LNPEP: variants seen among roughly 807,000 people sequenced by gnomAD.
LNPEP encodes the protein leucyl and cystinyl aminopeptidase.
A neutral mutation model predicts 120.6 loss-of-function variants in LNPEP; 64 were observed. The ratio of observed to expected loss-of-function variants is 0.53; its 90% CI spans 0.43 to 0.65. The LOEUF (loss-of-function observed/expected upper bound fraction) is 0.65. Ranked by LOEUF, LNPEP falls within the 30% of genes least tolerant of loss-of-function variation. LNPEP has a pLI of 0.00. For synonymous variants in LNPEP, 435 were observed against 425.4 expected, an observed-to-expected ratio of 1.02 and a Z score of -0.28; for missense variants, 1,057 against 1,200.0, an observed-to-expected ratio of 0.88 and a Z score of 1.76.
At chr5:97,021,668 T>C (rs1023043189) in intron 13 of LNPEP, among the ~76,000 whole-genome samples, 23 of 152,170 alleles carry the variant, frequency 1.5e-4, no homozygotes, top group African/African-American at 5.5e-4. Context: ...TAGCTGAGTA[T>C]ATGCAGCATA....
In LNPEP at chr5:97,028,781, T is replaced by C; in HGVS notation, c.*248T>C. The C allele has an allele frequency of 3.0e-6, 1 of 334,892 alleles. No homozygotes were observed. The highest frequency in any genetic ancestry group is 5.5e-6 in the Non-Finnish European group (1 of 180,646). The allele number at this position is 334,892 out of a possible 1,614,324, so 20.7% of individuals were successfully genotyped here. A position where few individuals can be genotyped will look rare whatever the true frequency, so the allele number is the denominator to read the frequency against. ...GCCAACCATCTACAAAAACAATGAG[T>C]AATTTTTCTACTTTGAAGATACACA... On this transcript the variant is annotated 3_prime_UTR_variant, in exon 18 of 18. Transcript: ENST00000231368.
At chr5:96,971,841 A>C (rs1012207555) in intron 1 of LNPEP, among the ~76,000 whole-genome samples, 20 of 151,942 alleles carry the variant, frequency 1.3e-4, no homozygotes, top group African/African-American at 4.8e-4. Context: ...CTTCCTGCTT[A>C]ATGATGGGGA....
chr5:97,002,767 C>T (rs1002233929), intron 8 of LNPEP, among the ~76,000 whole-genome samples: 2 of 152,132 alleles, frequency 1.3e-5, no homozygotes, highest in African/African-American at 4.8e-5. Context: ...CCGGGAAGGT[C>T]TTCACAGAGG....
chr5:96,993,745 T>A, intron 5 of LNPEP, 72 bp from the exon 6 acceptor site: 1 of 1,357,822 alleles, frequency 7.4e-7, no homozygotes, highest in Non-Finnish European at 1.0e-6. Flanking sequence ...GATAAACCAT[T>A]GAATAAAATA....
intron 1 of LNPEP, among the ~76,000 whole-genome samples, chr5:96,973,250 G>A (rs974345866): frequency 2.6e-5 from 4 of 151,892 alleles, no homozygotes; most frequent in African/African-American, 9.7e-5. Context: ...GTTGGGTAGT[G>A]TTTTGTCCAT....
At chr5:96,998,455 A>G (rs1415334768) in intron 8 of LNPEP, among the ~76,000 whole-genome samples, 1 of 152,196 alleles carries the variant, frequency 6.6e-6, no homozygotes, top group Non-Finnish European at 1.5e-5. Flanking sequence ...AGAAGGTCCT[A>G]AGTAAGCTCT....
At chr5:97,017,902 G>A (rs1465073914) in intron 13 of LNPEP, among the ~76,000 whole-genome samples, 1 of 152,116 alleles carries the variant, frequency 6.6e-6, no homozygotes, top group Non-Finnish European at 1.5e-5. Flanking sequence ...AACTTCAAGT[G>A]ATTGCCAGTA....
chr5:96,979,538 C>G lies in LNPEP; in HGVS notation c.420C>G (p.Gly140=). The change falls in exon 2 of 18, where the codon GGC becomes GGG. Residue 140 remains glycine (G), a synonymous_variant. Coordinates refer to ENST00000231368, the MANE Select transcript of LNPEP (RefSeq NM_005575.3). The part of the protein sequence containing the change: ...LLPRCTFTKE[G]CHKKNQSIGL... Reference sequence around the variant, plus strand: ...CCAGATGTACCTTTACCAAAGAAGGCTGCCATAAAAAAAACCAGTCAATTG... The same window carrying G: ...CCAGATGTACCTTTACCAAAGAAGGGTGCCATAAAAAAAACCAGTCAATTG... 6.2e-7 allele frequency: 1 copy of G among 1,614,000 alleles called. No individual in the cohort carries two copies. The highest frequency in any genetic ancestry group is 1.3e-5 in the African/African-American group (1 of 75,022).
At chr5:97,022,587 C>A in intron 14 of LNPEP, 103 bp downstream of exon 14, 1 of 965,994 alleles carries the variant, frequency 1.0e-6, no homozygotes, top group Non-Finnish European at 1.6e-6. Flanking sequence ...TGTTATAAAA[C>A]TGAGTGTCAG....
chr5:97,028,480 T>C lies in LNPEP; in HGVS notation c.3025T>C (p.Leu1009=), dbSNP rs2287927. 2.5e-5 allele frequency: 40 copies of C among 1,613,896 alleles called. No individual in the cohort carries two copies. The East Asian group carries it at 7.8e-4, about 31-fold the overall frequency. ...CCAGGAGGCTTTGGAAGTCATTCAG[T>C]TGAATATCCAGTGGATGGAGAAGAA... The part of the protein sequence containing the change: ...CVQEALEVIQ[L]NIQWMEKNLK... The change falls in exon 18 of 18, where the codon TTG becomes CTG. Residue 1009 remains leucine (L), a synonymous_variant. Transcript: ENST00000231368.
chr5:97,021,643 C>A (rs2112667638), intron 13 of LNPEP, among the ~76,000 whole-genome samples: 1 of 152,210 alleles, frequency 6.6e-6, no homozygotes, highest in South Asian at 2.1e-4. Context: ...TACTTTTTGG[C>A]AGGAAAATAA....
rs147704070 is a variant in LNPEP at position 96,976,826 on chromosome 5, A to G, written c.20-2312A>G. Among the ~76,000 whole-genome samples, 705 of 152,298 alleles carry G rather than the reference A, an allele frequency of 4.6e-3. 5 individuals are homozygous for G. The highest frequency in any genetic ancestry group is 7.0e-3 in the Non-Finnish European group (476 of 68,028). ...TACTACAGAAACTTTCTAATCATTA[A>G]GAGTTTTAAAAGCAATTTTAAAAAA... is the stretch of plus-strand genomic sequence containing the variant. On this transcript the variant is annotated intron_variant, in intron 1 of 17. Transcript: ENST00000231368.
intron 1 of LNPEP, among the ~76,000 whole-genome samples, chr5:96,951,262 T>G (rs371774887): frequency 0.015 from 2,092 of 140,122 alleles, 57 homozygotes; most frequent in African/African-American, 0.053. Context: ...TTTCTTTTTT[T>G]GGCGGGGGGC....
In LNPEP at chr5:97,028,398, A is replaced by G; in HGVS notation, c.2947-4A>G. The G allele has an allele frequency of 6.2e-7, 1 of 1,613,460 alleles. No homozygotes were observed. On this transcript the variant is annotated splice_polypyrimidine_tract_variant and splice_region_variant and intron_variant, in intron 17 of 17. Transcript: ENST00000231368. ...TTTGAAATTCTTCTGTGTGAAACTT[A>G]CAGGTTCAGGCATTCTTTGAAAATC...
rs149478807 is a variant in LNPEP, at chr5:96,979,383, C to T, written c.265C>T (p.Arg89Trp). 1.0e-4 allele frequency: 162 copies of T among 1,614,036 alleles called. 1 individual carries two copies. The African/African-American group carries it at 1.9e-3, about 19-fold the overall frequency. The change falls in exon 2 of 18, where the codon CGG becomes TGG. Residue 89 changes from arginine to tryptophan, a missense_variant. Coordinates refer to ENST00000231368, the MANE Select transcript of LNPEP (RefSeq NM_005575.3). ...CTTCATGAATAGAAGCTCAGGCCTTCGGAACAGTGCAACTGGTTACAGGCA... is the reference window on the plus strand; with the variant it reads ...CTTCATGAATAGAAGCTCAGGCCTTTGGAACAGTGCAACTGGTTACAGGCA... ...MSFMNRSSGLRNSATGYRQSP... is the reference protein window; with the variant it reads ...MSFMNRSSGLWNSATGYRQSP...
At chr5:96,994,890 A>G (rs1364231708) in intron 6 of LNPEP, among the ~76,000 whole-genome samples, 1 of 152,188 alleles carries the variant, frequency 6.6e-6, no homozygotes, top group Non-Finnish European at 1.5e-5. Flanking sequence ...CAGGCGTATC[A>G]CAAGGTCAGG....
At position 96,958,415 on chromosome 5, in the gene LNPEP, A is replaced by G. The variant is rs1377913352; in HGVS notation, c.20-20723A>G. ...ATTGAATTACCTAATAGCTATACCA[A>G]GCATAACTCGAAATGCCACAGCTGA... On this transcript the variant is annotated intron_variant, in intron 1 of 17. Transcript: ENST00000231368. 4.3e-6 allele frequency: 4 copies of G among 938,720 alleles called. No individual in the cohort carries two copies. In the East Asian group the frequency reaches 4.6e-4, roughly 107 times the overall value. The allele number at this position is 938,720 out of a possible 1,614,324, so 58.1% of individuals were successfully genotyped here. A position where few individuals can be genotyped will look rare whatever the true frequency, so the allele number is the denominator to read the frequency against.
intron 1 of LNPEP, among the ~76,000 whole-genome samples, chr5:96,941,324 GCCTGATT>G (rs1789047191): frequency 6.6e-6 from 1 of 152,146 alleles, no homozygotes; most frequent in East Asian, 1.9e-4. Flanking sequence ...CTGCTGTGTG[GCCTGATT>G]CCTAACAGGC....
chr5:96,983,298 T>C (rs1790168788), intron 2 of LNPEP, among the ~76,000 whole-genome samples: 11 of 131,350 alleles, frequency 8.4e-5, no homozygotes, highest in Admixed American at 8.1e-4. Context: ...ACCTGAAATA[T>C]GCACACCAGG....
Sources: allele counts gnomAD v4.1 joint callset (sites outside exome capture counted in the v4.1 genomes callset), GRCh38; gene constraint gnomAD v4.1.1; transcripts MANE v1.5; gene names NCBI Gene and HGNC (gene_info 2026-07-23, HGNC 2026-07-21).